Variants in SLC35F3 observed in about 807,000 individuals in gnomAD.
SLC35F3 encodes the protein putative thiamine transporter SLC35F3.
In SLC35F3, 25 loss-of-function variants were observed where a neutral mutation model predicts 49.9. The observed-to-expected ratio is 0.50, with a 90% CI of 0.37 to 0.70. SLC35F3 has a LOEUF of 0.70. Among genes scored for constraint, SLC35F3 ranks in the 30% least tolerant of loss-of-function variants. The pLI is 0.00. For missense variants in SLC35F3, 525 were observed against 639.8 expected, an observed-to-expected ratio of 0.82 and a Z score of 1.94; for synonymous variants, 275 against 265.4, an observed-to-expected ratio of 1.04 and a Z score of -0.35.
chr1:234,021,426 A>T lies in SLC35F3; in HGVS notation c.283+115668A>T, dbSNP rs572749551. ...CCCTTCTTTGAAATGAGAAAGCTGG[A>T]AAGTTTTCCCAATGGCCCTACCATT... On this transcript the variant is annotated intron_variant, in intron 2 of 7. Coordinates refer to ENST00000366618, the MANE Select transcript of SLC35F3 (RefSeq NM_173508.4). 2.6e-5 allele frequency among the ~76,000 whole-genome samples: 4 copies of T among 152,316 alleles called. No homozygotes were observed. The East Asian group carries it at 7.7e-4, about 29-fold the overall frequency.
intron 2 of SLC35F3, among the ~76,000 whole-genome samples, chr1:234,112,556 C>CTTTTTTTTTTTTTTT (rs777353110): frequency 1.7e-5 from 2 of 116,362 alleles, no homozygotes; most frequent in African/African-American, 3.0e-5. Flanking sequence ...AATTCACACT[C>CTTTTTTTTTTTTTTT]TTTTTTTTTT....
chr1:234,024,913 A>G (rs1454419929), intron 2 of SLC35F3, among the ~76,000 whole-genome samples: 1 of 152,192 alleles, frequency 6.6e-6, no homozygotes, highest in East Asian at 1.9e-4. Context: ...AAATGATTCC[A>G]TCACCCAGGT....
chr1:234,277,084 C>T (rs1668224509), intron 3 of SLC35F3, among the ~76,000 whole-genome samples: 1 of 152,212 alleles, frequency 6.6e-6, no homozygotes, highest in African/African-American at 2.4e-5. Context: ...AAGACCAGAG[C>T]CATTCTCACA....
chr1:234,070,696 A>G (rs1365316691), intron 2 of SLC35F3, among the ~76,000 whole-genome samples: 1 of 152,182 alleles, frequency 6.6e-6, no homozygotes, highest in Non-Finnish European at 1.5e-5. Context: ...CTAACAATTC[A>G]TATTAGTTAA....
chr1:234,100,202 C>T (rs924605906), intron 2 of SLC35F3, among the ~76,000 whole-genome samples: 2 of 152,108 alleles, frequency 1.3e-5, no homozygotes, highest in Non-Finnish European at 2.9e-5. Context: ...ACTATTCCAC[C>T]CCCACTTTCT....
intron 2 of SLC35F3, among the ~76,000 whole-genome samples, chr1:234,120,758 A>C (rs1665558168): frequency 6.6e-6 from 1 of 152,228 alleles, no homozygotes; most frequent in Non-Finnish European, 1.5e-5. Context: ...CATGCCCTGC[A>C]GGACGCCTCA....
intron 2 of SLC35F3, among the ~76,000 whole-genome samples, chr1:233,963,125 C>G (rs1042700427): frequency 2.0e-5 from 3 of 152,088 alleles, no homozygotes; most frequent in African/African-American, 7.2e-5. Context: ...CTCTTGCAGC[C>G]TTTCACTGGT....
At chr1:234,263,900 G>A (rs1232931582) in intron 3 of SLC35F3, among the ~76,000 whole-genome samples, 1 of 152,190 alleles carries the variant, frequency 6.6e-6, no homozygotes, top group East Asian at 1.9e-4. Flanking sequence ...CCTGAGGTCA[G>A]GAGTTCGAGA....
chr1:234,164,281 A>C (rs1572076918), intron 2 of SLC35F3, among the ~76,000 whole-genome samples: 26 of 125,546 alleles, frequency 2.1e-4, no homozygotes, highest in African/African-American at 3.1e-4. Context: ...ACTCCCTCCC[A>C]TTCTCTCTCC....
chr1:233,908,938 C>T (rs1247256782), intron 2 of SLC35F3, among the ~76,000 whole-genome samples: 1 of 151,978 alleles, frequency 6.6e-6, no homozygotes, highest in Non-Finnish European at 1.5e-5. Flanking sequence ...TCACTGCAAC[C>T]TCTGCCTCAC....
intron 2 of SLC35F3, among the ~76,000 whole-genome samples, chr1:234,199,683 T>TA (rs1424218762): frequency 2.2e-4 from 33 of 152,270 alleles, no homozygotes; most frequent in African/African-American, 7.9e-4. Context: ...GCCAAGGAAA[T>TA]GACTAACAGA....
intron 2 of SLC35F3, among the ~76,000 whole-genome samples, chr1:234,052,487 C>T (rs1664392560): frequency 1.3e-5 from 2 of 151,872 alleles, no homozygotes; most frequent in Non-Finnish European, 2.9e-5. Flanking sequence ...GGTGATATCC[C>T]CTTTATCATA....
Position 234,080,040 on chromosome 1 carries a change from G to A in SLC35F3, c.284-151377G>A, listed in dbSNP as rs115691224. Among the ~76,000 whole-genome samples, 1,003 of 152,216 alleles carry A rather than the reference G, an allele frequency of 6.6e-3. 11 individuals are homozygous for A. Among genetic ancestry groups the A allele is most frequent in the African/African-American group, 0.023 (956 of 41,532 alleles). On this transcript the variant is annotated intron_variant, in intron 2 of 7. Coordinates refer to ENST00000366618, the MANE Select transcript of SLC35F3 (RefSeq NM_173508.4). ...TAATGAGGTGACTCTTGGAGGGTGA[G>A]GGCTGGTTGCTGGAGGTGATCAACA...
At chr1:234,296,492 G>A (rs998470346) in intron 3 of SLC35F3, among the ~76,000 whole-genome samples, 1 of 152,198 alleles carries the variant, frequency 6.6e-6, no homozygotes, top group African/African-American at 2.4e-5. Flanking sequence ...GGTTCAGAAG[G>A]TCCGTCCTTC....
At chr1:234,203,925 G>A (rs1472517025) in intron 2 of SLC35F3, among the ~76,000 whole-genome samples, 6 of 152,044 alleles carry the variant, frequency 3.9e-5, no homozygotes, top group East Asian at 1.9e-4. Flanking sequence ...GCTAACATAC[G>A]TACACACATA....
chr1:234,206,830 C>T (rs948010820), intron 2 of SLC35F3, among the ~76,000 whole-genome samples: 13 of 152,122 alleles, frequency 8.5e-5, no homozygotes, highest in Admixed American at 4.6e-4. Context: ...GTTGAGCCTC[C>T]GAGGACCTCA....
rs1478216426 is a variant in SLC35F3 at position 234,143,288 on chromosome 1, C to CTTTTCTTTTTTTTTTTTT, written c.284-88125_284-88124insCTTTTTTTTTTTTTTTTT. Among the ~76,000 whole-genome samples the CTTTTCTTTTTTTTTTTTT allele has an allele frequency of 4.0e-5, 5 of 123,528 alleles. No individual in the cohort carries two copies. The East Asian group carries it at 9.2e-4, about 23-fold the overall frequency. 81.0% of individuals were successfully genotyped at this position (123,528 alleles called of 152,430 possible). On this transcript the variant is annotated intron_variant, in intron 2 of 7. Coordinates refer to ENST00000366618, the MANE Select transcript of SLC35F3 (RefSeq NM_173508.4). Reference sequence around the variant, plus strand: ...GAGTTTGACTCTTTTCTTTTCTTTTCTTTTTTTTTTTTTTTTTGAGATAAA... The same window carrying CTTTTCTTTTTTTTTTTTT: ...GAGTTTGACTCTTTTCTTTTCTTTTCTTTTCTTTTTTTTTTTTTTTTTTTTTTTTTTTTTTGAGATAAA...
At chr1:233,983,255 T>TA (rs964140880) in intron 2 of SLC35F3, among the ~76,000 whole-genome samples, 2 of 151,778 alleles carry the variant, frequency 1.3e-5, no homozygotes, top group African/African-American at 4.8e-5. Context: ...ACATTAAGAT[T>TA]AAAAAAAAAT....
At chr1:234,058,212 G>C (rs569489438) in intron 2 of SLC35F3, among the ~76,000 whole-genome samples, 1 of 146,064 alleles carries the variant, frequency 6.8e-6, no homozygotes, top group South Asian at 2.2e-4. Context: ...GAGGATTTTT[G>C]CTTTATATTT....
Sources: gnomAD v4.1 joint callset for allele counts (sites outside exome capture counted in the v4.1 genomes callset) on GRCh38, gnomAD v4.1.1 for gene constraint, MANE v1.5 for transcripts, NCBI Gene and HGNC (gene_info 2026-07-23, HGNC 2026-07-21) for gene names.